INPP4B: variants seen among roughly 807,000 people sequenced by gnomAD.
The protein encoded by INPP4B is inositol polyphosphate 4-phosphatase type II.
Under a neutral mutation model 122.5 loss-of-function variants are expected in INPP4B, and 55 were observed. The ratio of observed to expected loss-of-function variants is 0.45; its 90% CI spans 0.36 to 0.56. The LOEUF is 0.56. INPP4B is among the 20% of genes least tolerant of loss of function. The probability of loss-of-function intolerance (pLI) is 0.00; values close to 1 mark genes in which losing one functional copy is unlikely to be tolerated. For missense variants in INPP4B, 1,000 were observed against 1,097.7 expected, an observed-to-expected ratio of 0.91 and a Z score of 1.26; for synonymous variants, 403 against 388.7, an observed-to-expected ratio of 1.04 and a Z score of -0.43.
intron 1 of INPP4B, among the ~76,000 whole-genome samples, chr4:142,812,502 C>G (rs1779635989): frequency 6.6e-6 from 1 of 152,072 alleles, no homozygotes; most frequent in Non-Finnish European, 1.5e-5. Flanking sequence ...AAATTCTATT[C>G]AATCCCATCC....
At chr4:142,536,225 T>C (rs1361977778) in intron 2 of INPP4B, among the ~76,000 whole-genome samples, 2 of 108,634 alleles carry the variant, frequency 1.8e-5, no homozygotes, top group African/African-American at 5.6e-5. Flanking sequence ...CAATACTTGG[T>C]TCATGAAATT....
chr4:142,728,966 G>T (rs1299799257), intron 1 of INPP4B, among the ~76,000 whole-genome samples: 1 of 152,024 alleles, frequency 6.6e-6, no homozygotes, highest in Admixed American at 6.5e-5. Flanking sequence ...AAATCTTACG[G>T]TTAATTTAAT....
chr4:142,325,846 G>A (rs551236365), intron 7 of INPP4B, among the ~76,000 whole-genome samples: 1 of 152,286 alleles, frequency 6.6e-6, no homozygotes, highest in South Asian at 2.1e-4. Context: ...TGGCTCCAGA[G>A]TCATATAATT....
At chr4:142,421,754 G>T (rs1806946084) in intron 5 of INPP4B, among the ~76,000 whole-genome samples, 1 of 152,154 alleles carries the variant, frequency 6.6e-6, no homozygotes, top group African/African-American at 2.4e-5. Flanking sequence ...ATTCTTTTAA[G>T]ACTTGGTCCA....
intron 9 of INPP4B, among the ~76,000 whole-genome samples, chr4:142,301,391 A>G (rs1309284101): frequency 2.6e-5 from 4 of 152,178 alleles, no homozygotes; most frequent in African/African-American, 9.6e-5. Flanking sequence ...AAAATGGACA[A>G]GGAAGAAAAA....
chr4:142,132,568 A>G (rs1561234325), intron 18 of INPP4B, among the ~76,000 whole-genome samples: 1 of 152,142 alleles, frequency 6.6e-6, no homozygotes. Context: ...CCCTCCTACC[A>G]GCATTGATTC....
At chr4:142,746,719 A>T (rs1768811566) in intron 1 of INPP4B, among the ~76,000 whole-genome samples, 1 of 152,126 alleles carries the variant, frequency 6.6e-6, no homozygotes, top group African/African-American at 2.4e-5. Context: ...ATAATGTCAC[A>T]CATCTACAAC....
chr4:142,188,171 G>A (rs750924147), intron 15 of INPP4B, among the ~76,000 whole-genome samples: 13 of 151,872 alleles, frequency 8.6e-5, no homozygotes, highest in Non-Finnish European at 1.3e-4. Context: ...ATCAATAAAG[G>A]ATCAAAGTAT....
chr4:142,509,493 C>T (rs1226360174), intron 2 of INPP4B, among the ~76,000 whole-genome samples: 1 of 152,044 alleles, frequency 6.6e-6, no homozygotes, highest in African/African-American at 2.4e-5. Flanking sequence ...TTTTCTGTTC[C>T]TGTGTTAGTT....
intron 2 of INPP4B, among the ~76,000 whole-genome samples, chr4:142,589,936 A>AT (rs1737065145): frequency 6.6e-6 from 1 of 152,150 alleles, no homozygotes; most frequent in South Asian, 2.1e-4. Context: ...ATAAAATGAG[A>AT]TATTCAGCAA....
intron 1 of INPP4B, among the ~76,000 whole-genome samples, chr4:142,736,067 C>T (rs912869307): frequency 3.3e-5 from 5 of 152,018 alleles, no homozygotes; most frequent in African/African-American, 1.2e-4. Context: ...AGAGTTTAGA[C>T]CTCTTATACT....
intron 7 of INPP4B, among the ~76,000 whole-genome samples, chr4:142,398,141 C>T (rs1050725163): frequency 2.7e-5 from 4 of 150,804 alleles, no homozygotes; most frequent in Non-Finnish European, 4.4e-5. Flanking sequence ...TTGGGGAGGC[C>T]GAGGCCGGCG....
At chr4:142,089,480 CAGAGAG>C in intron 23 of INPP4B, among the ~76,000 whole-genome samples, 1 of 135,060 alleles carries the variant, frequency 7.4e-6, no homozygotes, top group South Asian at 2.3e-4. Context: ...CACACACACA[CAGAGAG>C]AGAGAGAGAG....
At chr4:142,247,207 T>C (rs1422716883) in intron 11 of INPP4B, among the ~76,000 whole-genome samples, 1 of 152,246 alleles carries the variant, frequency 6.6e-6, no homozygotes, top group Non-Finnish European at 1.5e-5. Flanking sequence ...AGCATTTTAT[T>C]GAGGATTTTC....
At chr4:142,547,056 C>CT (rs1829722279) in intron 2 of INPP4B, among the ~76,000 whole-genome samples, 2 of 150,682 alleles carry the variant, frequency 1.3e-5, no homozygotes, top group African/African-American at 4.9e-5. Context: ...TGAAATCGTA[C>CT]TTTTGATTCT....
At chr4:142,119,286 C>T (rs1465147415) in intron 21 of INPP4B, among the ~76,000 whole-genome samples, 1 of 152,128 alleles carries the variant, frequency 6.6e-6, no homozygotes, top group Non-Finnish European at 1.5e-5. Context: ...CCCAGCCATC[C>T]CATTACTGGG....
At chr4:142,716,867 T>A (rs1023815752) in intron 2 of INPP4B, among the ~76,000 whole-genome samples, 1 of 152,202 alleles carries the variant, frequency 6.6e-6, no homozygotes, top group African/African-American at 2.4e-5. Flanking sequence ...CCTCAAGAGC[T>A]CTTTCACATT....
At chr4:142,062,194 C>T (rs559060053) in intron 25 of INPP4B, among the ~76,000 whole-genome samples, 2 of 152,048 alleles carry the variant, frequency 1.3e-5, no homozygotes, top group Admixed American at 6.6e-5. Context: ...TCAGTTCAGG[C>T]GCACCAAGGG....
intron 16 of INPP4B, among the ~76,000 whole-genome samples, chr4:142,170,025 G>T (rs1386759683): frequency 6.6e-6 from 1 of 151,568 alleles, no homozygotes; most frequent in African/African-American, 2.4e-5. Flanking sequence ...ATTTTAGTTT[G>T]AATTTATTTT....
Sources: allele counts gnomAD v4.1 joint callset (sites outside exome capture counted in the v4.1 genomes callset), GRCh38; gene constraint gnomAD v4.1.1; transcripts MANE v1.5; gene names NCBI Gene and HGNC (gene_info 2026-07-23, HGNC 2026-07-21).